GNG4: variants seen among roughly 807,000 people sequenced by gnomAD.
GNG4 encodes the protein guanine nucleotide-binding protein G(I)/G(S)/G(O) subunit gamma-4.
A neutral mutation model predicts 5.8 loss-of-function variants in GNG4; 4 were observed. That is an observed-to-expected ratio of 0.69 (90% confidence interval 0.34 to 1.57). The LOEUF (loss-of-function observed/expected upper bound fraction) is 1.57. Among genes scored for constraint, GNG4 ranks in the 40% most tolerant of loss-of-function variants. The pLI is 0.06. For synonymous variants in GNG4, 29 were observed against 32.9 expected, an observed-to-expected ratio of 0.88 and a Z score of 0.41; for missense variants, 96 against 95.1, an observed-to-expected ratio of 1.01 and a Z score of -0.04.
intron 3 of GNG4, among the ~76,000 whole-genome samples, chr1:235,554,845 CAAAA>C (rs34093722): frequency 7.1e-5 from 6 of 84,396 alleles, no homozygotes; most frequent in Non-Finnish European, 9.3e-5. Flanking sequence ...AACTCCATCT[CAAAA>C]AAAAAAAAAA....
chr1:235,582,145 G>A (rs73118796), intron 3 of GNG4, among the ~76,000 whole-genome samples: 4,417 of 152,160 alleles, frequency 0.029, 206 homozygotes, highest in African/African-American at 0.1. Context: ...GCTCCACACT[G>A]TACCCGATTT....
chr1:235,593,952 G>T (rs1010523929), intron 2 of GNG4, among the ~76,000 whole-genome samples: 3 of 152,144 alleles, frequency 2.0e-5, no homozygotes, highest in Non-Finnish European at 4.4e-5. Flanking sequence ...CAGCTGGCGC[G>T]GGCAGCCTGC....
intron 1 of GNG4, among the ~76,000 whole-genome samples, chr1:235,612,090 A>G (rs57820852): frequency 0.042 from 4,381 of 104,574 alleles, 497 homozygotes; most frequent in African/African-American, 0.13. Flanking sequence ...AAAAAAAAAA[A>G]AGAGGAGAAA....
intron 3 of GNG4, among the ~76,000 whole-genome samples, chr1:235,572,874 A>G (rs1296771972): frequency 2.0e-5 from 3 of 152,154 alleles, no homozygotes; most frequent in Admixed American, 6.5e-5. Context: ...AACAGTTTTT[A>G]TGTAGTGCCT....
chr1:235,589,278 CAG>C (rs1160721555), intron 2 of GNG4, among the ~76,000 whole-genome samples: 14 of 152,130 alleles, frequency 9.2e-5, no homozygotes, highest in Non-Finnish European at 7.3e-5. Flanking sequence ...TGCAGGTAGA[CAG>C]GGGGAGCCAG....
chr1:235,553,317 A>T (rs957779639), intron 3 of GNG4, among the ~76,000 whole-genome samples: 1 of 152,198 alleles, frequency 6.6e-6, no homozygotes, highest in Non-Finnish European at 1.5e-5. Context: ...TGCTTGGCAG[A>T]TAAATGGCCT....
At chr1:235,585,020 T>A (rs577760198) in intron 2 of GNG4, among the ~76,000 whole-genome samples, 1 of 152,234 alleles carries the variant, frequency 6.6e-6, no homozygotes, top group Admixed American at 6.5e-5. Context: ...CCCATTCCAA[T>A]CCTTTTCTCC....
At chr1:235,643,097 C>A (rs575689287) in intron 1 of GNG4, among the ~76,000 whole-genome samples, 158 of 152,282 alleles carry the variant, frequency 1.0e-3, no homozygotes, top group African/African-American at 3.7e-3. Flanking sequence ...CCCACGCCTC[C>A]GACCTTCCCC....
At chr1:235,650,271 C>CACTGGAGGGGGG (rs1558510135), upstream of GNG4, among the ~76,000 whole-genome samples, 1 of 58,046 alleles carries the variant, frequency 1.7e-5, no homozygotes, top group African/African-American at 7.4e-5. Flanking sequence ...GGGGGGGGGT[C>CACTGGAGGGGGG]TGGGGGGCGC....
intron 3 of GNG4, among the ~76,000 whole-genome samples, chr1:235,562,660 A>AAAAAAAAAAAAAAG (rs1687097047): frequency 7.5e-6 from 1 of 133,828 alleles, no homozygotes; most frequent in African/African-American, 2.7e-5. Flanking sequence ...AAAAAAAAAG[A>AAAAAAAAAAAAAAG]AAAAAAAAAA....
intron 2 of GNG4, among the ~76,000 whole-genome samples, chr1:235,593,949 C>T (rs1000242078): frequency 5.9e-5 from 9 of 152,230 alleles, no homozygotes; most frequent in Admixed American, 1.3e-4. Flanking sequence ...CCCCAGCTGG[C>T]GCGGGCAGCC....
intron 1 of GNG4, among the ~76,000 whole-genome samples, chr1:235,630,487 G>T (rs1240691847): frequency 6.6e-6 from 1 of 152,206 alleles, no homozygotes; most frequent in Non-Finnish European, 1.5e-5. Context: ...GCAACAGCCG[G>T]GTGTTTTGTT....
At chr1:235,605,841 G>A (rs1688345375) in intron 1 of GNG4, among the ~76,000 whole-genome samples, 1 of 151,974 alleles carries the variant, frequency 6.6e-6, no homozygotes, top group Non-Finnish European at 1.5e-5. Flanking sequence ...GGCCTTGAGT[G>A]CCACACTAAG....
intron 1 of GNG4, among the ~76,000 whole-genome samples, chr1:235,647,888 G>A (rs1457882538): frequency 6.6e-6 from 1 of 152,070 alleles, no homozygotes; most frequent in South Asian, 2.1e-4. Context: ...TGCCTGCCTC[G>A]GCCTCTGAAA....
rs778494582 is a variant in GNG4 at position 235,649,043 on chromosome 1, G to A, written c.-123+619C>T. 6.6e-6 allele frequency among the ~76,000 whole-genome samples: 1 copy of A among 152,052 alleles called. No homozygotes were observed. Among genetic ancestry groups the A allele is most frequent in the Non-Finnish European group, 1.5e-5 (1 of 68,018 alleles). ...AAGCTCCCCGGTTGCTGCCGGGCGCGCGCGGCGAACGAAGCACATTTCAGT... is the reference window on the plus strand; with the variant it reads ...AAGCTCCCCGGTTGCTGCCGGGCGCACGCGGCGAACGAAGCACATTTCAGT... On this transcript the variant is annotated intron_variant, in intron 1 of 3. Transcript: ENST00000391854. The surrounding 1 kb of genome is among the most constrained non-coding windows in gnomAD (Gnocchi z 5.7).
At chr1:235,591,172 C>A (rs779382105) in intron 2 of GNG4, among the ~76,000 whole-genome samples, 8 of 152,170 alleles carry the variant, frequency 5.3e-5, no homozygotes, top group Admixed American at 2.0e-4. Context: ...AATTTCCCAG[C>A]GCTCCTCAGC....
chr1:235,650,285 G>A (rs6673308), upstream of GNG4, among the ~76,000 whole-genome samples: 1 of 133,346 alleles, frequency 7.5e-6, no homozygotes, highest in Non-Finnish European at 1.6e-5. Flanking sequence ...GGGGCGCGGC[G>A]GGGGGGAGAT....
chr1:235,565,490 AGAGT>A (rs1687171932), intron 3 of GNG4, among the ~76,000 whole-genome samples: 2 of 152,164 alleles, frequency 1.3e-5, no homozygotes, highest in Admixed American at 6.5e-5. Context: ...GGCTTGTGAC[AGAGT>A]GAGACTCTGT....
chr1:235,596,231 C>A (rs1183386662), intron 1 of GNG4, among the ~76,000 whole-genome samples: 2 of 148,078 alleles, frequency 1.4e-5, no homozygotes, highest in Middle Eastern at 7.3e-3. Context: ...CACACACACA[C>A]ACACACACAC....
Sources: gnomAD v4.1 joint callset for allele counts (sites outside exome capture counted in the v4.1 genomes callset) on GRCh38, gnomAD v4.1.1 for gene constraint, Gnocchi (gnomAD v3.1) non-coding constraint, MANE v1.5 for transcripts, NCBI Gene and HGNC (gene_info 2026-07-23, HGNC 2026-07-21) for gene names.